TF: variants seen among roughly 807,000 people sequenced by gnomAD.
The protein encoded by TF is transferrin.
A neutral mutation model predicts 82.4 loss-of-function variants in TF; 55 were observed. The ratio of observed to expected loss-of-function variants is 0.67; its 90% confidence interval spans 0.54 to 0.84. The LOEUF is 0.84. Ranked by LOEUF, TF falls within the 40% of genes least tolerant of loss-of-function variation. TF has a pLI of 0.00. For missense variants in TF, 737 were observed against 868.4 expected (o/e 0.85, Z 1.90); for synonymous variants, 332 against 332.6 (o/e 1.00, Z 0.02).
the TF span, among the ~76,000 whole-genome samples, chr3:133,687,427 G>A: frequency 6.6e-6 from 1 of 151,996 alleles, no homozygotes; most frequent in Non-Finnish European, 1.5e-5. Flanking sequence ...TTTTTGAGAT[G>A]AGATTCACAT....
chr3:133,685,446 GAAAACCCCA>G, the TF span, among the ~76,000 whole-genome samples: 1 of 152,154 alleles, frequency 6.6e-6, no homozygotes, highest in African/African-American at 2.4e-5. Context: ...TGTATATTTA[GAAAACCCCA>G]TCGTCTCAGC....
the TF span, among the ~76,000 whole-genome samples, chr3:133,732,509 G>C: frequency 2.0e-5 from 3 of 152,140 alleles, no homozygotes; most frequent in Non-Finnish European, 4.4e-5. Context: ...AGCCAACAGC[G>C]GCAACCCACT....
upstream of TF, among the ~76,000 whole-genome samples, chr3:133,744,575 A>G (rs184822754): frequency 6.6e-6 from 1 of 152,328 alleles, no homozygotes; most frequent in Non-Finnish European, 1.5e-5. Flanking sequence ...CCTCATGCTA[A>G]CAGTCTTCTT....
chr3:133,664,629 T>G, the TF span, among the ~76,000 whole-genome samples: 1 of 152,232 alleles, frequency 6.6e-6, no homozygotes, highest in African/African-American at 2.4e-5. Context: ...CACTCCCATG[T>G]ACTTTAAATA....
In TF at chr3:133,764,927, C is replaced by T; in HGVS notation, c.1330+20C>T. The stretch of plus-strand genomic sequence containing the variant: ...AGGCAGGTGAGTTTGAATTGGTAAC[C>T]TCTGGAGTTAAAAGATAAATTCCCA... On this transcript the variant is annotated intron_variant, in intron 11 of 16. Coordinates refer to ENST00000402696, the MANE Select transcript of TF (RefSeq NM_001063.4). The T allele has an allele frequency of 1.2e-6, 2 of 1,612,654 alleles. No homozygotes were observed. Among genetic ancestry groups the T allele is most frequent in the Non-Finnish European group, 8.5e-7 (1 of 1,178,704 alleles).
chr3:133,706,056 AGT>A, the TF span, among the ~76,000 whole-genome samples: 1 of 152,082 alleles, frequency 6.6e-6, no homozygotes. Context: ...TCAGGGACTG[AGT>A]GACTTGCCCA....
chr3:133,739,579 T>C, the TF span, among the ~76,000 whole-genome samples: 1 of 151,766 alleles, frequency 6.6e-6, no homozygotes, highest in African/African-American at 2.4e-5. Context: ...GACAAAGGGC[T>C]AATATCCAGA....
chr3:133,745,131 A>G (rs2107903987), upstream of TF, among the ~76,000 whole-genome samples: 1 of 152,348 alleles, frequency 6.6e-6, no homozygotes, highest in South Asian at 2.1e-4. Flanking sequence ...AGATTCTTAC[A>G]AAGAAACTAG....
the TF span, among the ~76,000 whole-genome samples, chr3:133,681,648 G>A: frequency 0.036 from 5,481 of 152,254 alleles, 365 homozygotes; most frequent in African/African-American, 0.12. Context: ...CAGTGAGGCT[G>A]GGGGAGGGGC....
At chr3:133,674,850 C>G in the TF span, among the ~76,000 whole-genome samples, 2 of 152,148 alleles carry the variant, frequency 1.3e-5, no homozygotes, top group African/African-American at 4.8e-5. Context: ...ACCCCATTGA[C>G]TAGGGAGAGG....
At chr3:133,741,387 T>C (rs576291255), upstream of TF, among the ~76,000 whole-genome samples, 55 of 152,312 alleles carry the variant, frequency 3.6e-4, 2 homozygotes, top group Middle Eastern at 0.034. Flanking sequence ...TTTTTTTCCT[T>C]TTCAATCCTT....
the TF span, among the ~76,000 whole-genome samples, chr3:133,698,017 C>T: frequency 6.6e-6 from 1 of 152,248 alleles, no homozygotes; most frequent in East Asian, 1.9e-4. Context: ...GATAACAAGA[C>T]TGTCTCCACT....
At chr3:133,754,809 T>C in intron 4 of TF, 138 bp downstream of exon 4, 1 of 974,470 alleles carries the variant, frequency 1.0e-6, no homozygotes, top group Non-Finnish European at 1.6e-6. Flanking sequence ...GACTTTAAAC[T>C]GGCAGGTCTG....
rs1449584827 is a variant in TF, at chr3:133,780,572, ACTAT to A, written c.*1959_*1962del. 6.6e-6 allele frequency: 1 copy of A among 152,232 alleles called. No homozygotes were observed. The highest frequency in any genetic ancestry group is 1.5e-5 in the Non-Finnish European group (1 of 68,040). The allele number at this position is 152,232 out of a possible 1,614,324, so 9.4% of individuals were successfully genotyped here. A position where few individuals can be genotyped will look rare whatever the true frequency, so the allele number is the denominator to read the frequency against. On this transcript the variant is annotated 3_prime_UTR_variant, in exon 17 of 17. Coordinates refer to ENST00000402696, the MANE Select transcript of TF (RefSeq NM_001063.4). Reference sequence around the variant, plus strand: ...GTTAGGAACATGAAAAAAATTGATTACTATCTATCTTATTTTACAGTGTTTTAGA... The same window carrying A: ...GTTAGGAACATGAAAAAAATTGATTACTATCTTATTTTACAGTGTTTTAGA...
Position 133,788,557 on chromosome 3 carries a change from A to G in TF, c.*9937A>G, listed in dbSNP as rs1934746366. ...CCTGGACACCCTCCACTGGTAACAT[A>G]TTTTGGCAAGGCAGCCAGGAGGTAA... is the stretch of plus-strand genomic sequence containing the variant. On this transcript the variant is annotated 3_prime_UTR_variant, in exon 17 of 17. Coordinates refer to ENST00000402696, the MANE Select transcript of TF (RefSeq NM_001063.4). The G allele has an allele frequency of 6.6e-6, 1 of 152,220 alleles. No individual in the cohort carries two copies. The highest frequency in any genetic ancestry group is 2.4e-5 in the African/African-American group (1 of 41,440). The allele number at this position is 152,220 out of a possible 1,614,324, so 9.4% of individuals were successfully genotyped here.
At chr3:133,689,234 G>A in the TF span, among the ~76,000 whole-genome samples, 4,574 of 152,222 alleles carry the variant, frequency 0.03, 122 homozygotes, top group African/African-American at 0.072. Context: ...TTGGGAGTCT[G>A]AGGCAGGAGA....
intron 9 of TF, 70 bp downstream of exon 9, chr3:133,759,399 A>C: frequency 6.3e-7 from 1 of 1,590,672 alleles, no homozygotes; most frequent in Non-Finnish European, 8.6e-7. Context: ...AGACTGAGCT[A>C]GGGAGTGTTC....
At chr3:133,669,894 G>A in the TF span, among the ~76,000 whole-genome samples, 33 of 152,296 alleles carry the variant, frequency 2.2e-4, 1 homozygote, top group African/African-American at 6.0e-4. Flanking sequence ...AGAATGTTGG[G>A]CAAGAAAATT....
chr3:133,683,422 C>T, the TF span, among the ~76,000 whole-genome samples: 28 of 151,994 alleles, frequency 1.8e-4, no homozygotes, highest in African/African-American at 6.8e-4. Flanking sequence ...TTGGATGAGT[C>T]AAGACCCATC....
Sources: allele counts gnomAD v4.1 joint callset (sites outside exome capture counted in the v4.1 genomes callset), GRCh38; gene constraint gnomAD v4.1.1; transcripts MANE v1.5; gene names NCBI Gene and HGNC (gene_info 2026-07-23, HGNC 2026-07-21).